Variants in NHS observed in about 807,000 individuals in gnomAD.
The protein encoded by NHS is NHS actin remodeling regulator.
In NHS, 5 loss-of-function variants were observed where a neutral mutation model predicts 72.5. That is an observed-to-expected ratio of 0.07 (90% CI 0.04 to 0.14). The LOEUF (loss-of-function observed/expected upper bound fraction) is 0.14, where lower values mean the gene tolerates loss of function less well. Among genes scored for constraint, NHS ranks in the 10% least tolerant of loss-of-function variants. The probability of loss-of-function intolerance (pLI) is 1.00; values close to 1 mark genes in which losing one functional copy is unlikely to be tolerated. For synonymous variants in NHS, 464 were observed against 547.7 expected, an observed-to-expected ratio of 0.85 and a Z score of 2.13; for missense variants, 1,072 against 1,355.7, an observed-to-expected ratio of 0.79 and a Z score of 3.29.
chrX:17,623,763 G>T (rs2065785817), intron 1 of NHS, among the ~76,000 whole-genome samples: 1 of 112,040 alleles, frequency 8.9e-6, no homozygotes, highest in South Asian at 3.8e-4. Context: ...TGCCCTCTGT[G>T]AATCCTGCCC....
At chrX:17,437,764 G>T (rs987802207) in intron 1 of NHS, among the ~76,000 whole-genome samples, 4 of 111,838 alleles carry the variant, frequency 3.6e-5, no homozygotes, top group African/African-American at 1.3e-4. Flanking sequence ...CACATCACAG[G>T]ACTGTCATGA....
chrX:17,673,744 G>A (rs1479417115), intron 1 of NHS, among the ~76,000 whole-genome samples: 1 of 111,683 alleles, frequency 9.0e-6, no homozygotes, highest in Non-Finnish European at 1.9e-5. Context: ...CTTCATATTA[G>A]GTTGGATCAC....
At chrX:17,635,368 A>AG (rs1195966347) in intron 1 of NHS, 4 of 1,126,671 alleles carry the variant, frequency 3.6e-6, no homozygotes, top group Non-Finnish European at 4.7e-6. Flanking sequence ...CTCCCCCTCC[A>AG]GGGGGGAGTC....
At chrX:17,682,018 T>C (rs1248726647) in intron 1 of NHS, among the ~76,000 whole-genome samples, 2 of 111,022 alleles carry the variant, frequency 1.8e-5, no homozygotes, top group East Asian at 5.7e-4. Context: ...TCTGGGAAAC[T>C]GGCTCTGGCT....
intron 1 of NHS, among the ~76,000 whole-genome samples, chrX:17,582,556 T>C (rs755064863): frequency 9.0e-6 from 1 of 111,698 alleles, no homozygotes; most frequent in Non-Finnish European, 1.9e-5. Flanking sequence ...CTTGGCCTTT[T>C]CTTGGATATG....
intron 1 of NHS, among the ~76,000 whole-genome samples, chrX:17,572,986 T>A (rs751676676): frequency 8.9e-6 from 1 of 112,145 alleles, no homozygotes; most frequent in African/African-American, 3.2e-5. Flanking sequence ...TTCTTTTCTT[T>A]AGGAATGTTG....
At chrX:17,600,427 A>T (rs1025031126) in intron 1 of NHS, among the ~76,000 whole-genome samples, 3 of 111,973 alleles carry the variant, frequency 2.7e-5, no homozygotes, top group African/African-American at 9.8e-5. Flanking sequence ...GAAAATTCCA[A>T]AAAAGCGTCA....
At chrX:17,391,115 C>G (rs765668475) in intron 1 of NHS, among the ~76,000 whole-genome samples, 10 of 111,696 alleles carry the variant, frequency 9.0e-5, no homozygotes, top group Non-Finnish European at 1.7e-4. Context: ...GCTGTCTTTC[C>G]AAGTTGCTTT....
chrX:17,670,110 C>T (rs1323200547), intron 1 of NHS, among the ~76,000 whole-genome samples: 1 of 112,375 alleles, frequency 8.9e-6, no homozygotes, highest in African/African-American at 3.2e-5. Context: ...CAGAAGTACA[C>T]AATGGGAAGC....
intron 1 of NHS, among the ~76,000 whole-genome samples, chrX:17,637,659 G>A (rs2065857976): frequency 1.8e-5 from 2 of 111,667 alleles, no homozygotes; most frequent in South Asian, 7.5e-4. Context: ...ATTACCACCA[G>A]GTTTCATTAT....
At chrX:17,729,915 T>C (rs1264927143) in intron 8 of NHS, among the ~76,000 whole-genome samples, 1 of 112,462 alleles carries the variant, frequency 8.9e-6, no homozygotes, top group Non-Finnish European at 1.9e-5. Flanking sequence ...CTTTTTCTCC[T>C]GGAATTCTAC....
chrX:17,417,380 A>G (rs767983971), intron 1 of NHS, among the ~76,000 whole-genome samples: 1 of 112,088 alleles, frequency 8.9e-6, no homozygotes, highest in African/African-American at 3.2e-5. Flanking sequence ...TTAAATAGTG[A>G]ACATTCAGTA....
chrX:17,651,326 T>A (rs1411522137), intron 1 of NHS, among the ~76,000 whole-genome samples: 3 of 112,309 alleles, frequency 2.7e-5, no homozygotes, highest in Non-Finnish European at 5.6e-5. Flanking sequence ...GTCTTAGAAA[T>A]GTGTTACCAT....
chrX:17,678,509 C>CA (rs2066101039), intron 1 of NHS, among the ~76,000 whole-genome samples: 1 of 111,597 alleles, frequency 9.0e-6, no homozygotes, highest in African/African-American at 3.3e-5. Flanking sequence ...TCTTACATGG[C>CA]AGGAGCTGGA....
chrX:17,688,539 G>A (rs1429604486), intron 2 of NHS, among the ~76,000 whole-genome samples: 1 of 111,515 alleles, frequency 9.0e-6, no homozygotes, highest in Non-Finnish European at 1.9e-5. Context: ...GGGCTCTTCT[G>A]CTTCTCTTGA....
chrX:17,498,862 T>A (rs984428584), intron 1 of NHS, among the ~76,000 whole-genome samples: 1 of 112,045 alleles, frequency 8.9e-6, no homozygotes, highest in African/African-American at 3.2e-5. Context: ...GAGGTTTTTT[T>A]AAGCTGCTCA....
intron 1 of NHS, among the ~76,000 whole-genome samples, chrX:17,486,688 A>T (rs2064968871): frequency 8.9e-6 from 1 of 112,061 alleles, no homozygotes; most frequent in South Asian, 3.7e-4. Context: ...ATAAGTAGTA[A>T]AATATACTTT....
At chrX:17,448,836 T>C (rs988342885) in intron 1 of NHS, among the ~76,000 whole-genome samples, 1 of 112,202 alleles carries the variant, frequency 8.9e-6, no homozygotes, top group Admixed American at 9.4e-5. Flanking sequence ...TGTGCATCTG[T>C]GAGCATGTGG....
At chrX:17,436,274 G>C (rs2064722121) in intron 1 of NHS, among the ~76,000 whole-genome samples, 1 of 111,450 alleles carries the variant, frequency 9.0e-6, no homozygotes, top group African/African-American at 3.3e-5. Flanking sequence ...AGGATAGCTT[G>C]TTTAAGAATA....
Sources: allele counts gnomAD v4.1 joint callset (sites outside exome capture counted in the v4.1 genomes callset), GRCh38; gene constraint gnomAD v4.1.1; transcripts MANE v1.5; gene names NCBI Gene and HGNC (gene_info 2026-07-23, HGNC 2026-07-21).